Variants in PCYT1B observed in about 807,000 individuals in gnomAD.
PCYT1B encodes the protein choline-phosphate cytidylyltransferase B.
A neutral mutation model predicts 26.4 loss-of-function variants in PCYT1B; 10 were observed. The observed-to-expected ratio is 0.38, with a 90% CI of 0.23 to 0.64. The LOEUF (loss-of-function observed/expected upper bound fraction) is 0.64, where lower values mean the gene tolerates loss of function less well. Among genes scored for constraint, PCYT1B ranks in the 30% least tolerant of loss-of-function variants. The pLI is 0.56. For synonymous variants in PCYT1B, 131 were observed against 108.4 expected (o/e 1.21, Z -1.29); for missense variants, 161 against 292.7 (o/e 0.55, Z 3.28).
chrX:24,670,378 A>G (rs1927232065), intron 1 of PCYT1B, among the ~76,000 whole-genome samples: 1 of 112,617 alleles, frequency 8.9e-6, no homozygotes. Flanking sequence ...TTCAATATTT[A>G]GCAGCAATGC....
chrX:24,633,530 C>T (rs1193915547), intron 1 of PCYT1B, among the ~76,000 whole-genome samples: 2 of 109,748 alleles, frequency 1.8e-5, no homozygotes, highest in African/African-American at 3.3e-5. Flanking sequence ...AAAAATTAGC[C>T]GGGCGTCGTT....
chrX:24,653,913 C>A (rs1266087736), intron 1 of PCYT1B, among the ~76,000 whole-genome samples: 10 of 107,285 alleles, frequency 9.3e-5, no homozygotes. Context: ...CACCACCACA[C>A]CCAGCCAATT....
intron 3 of PCYT1B, among the ~76,000 whole-genome samples, chrX:24,598,405 C>T: frequency 9.1e-6 from 1 of 109,904 alleles, no homozygotes; most frequent in East Asian, 2.8e-4. Flanking sequence ...GTCATGGTAT[C>T]TACTAAAGAT....
intron 1 of PCYT1B, among the ~76,000 whole-genome samples, chrX:24,625,662 T>C (rs1016813020): frequency 1.9e-5 from 2 of 105,490 alleles, no homozygotes; most frequent in Admixed American, 2.1e-4. Context: ...TGACAGGGAA[T>C]TATATCTAAG....
intron 1 of PCYT1B, among the ~76,000 whole-genome samples, chrX:24,633,839 T>C (rs946643870): frequency 9.8e-5 from 11 of 111,876 alleles, no homozygotes; most frequent in African/African-American, 2.9e-4. Flanking sequence ...AACCTCTTGA[T>C]AATGTTATGT....
chrX:24,620,301 C>G (rs1341869726), intron 1 of PCYT1B, among the ~76,000 whole-genome samples: 1 of 112,085 alleles, frequency 8.9e-6, no homozygotes, highest in African/African-American at 3.2e-5. Flanking sequence ...AGCCCCCATT[C>G]TCTGCACTGA....
chrX:24,661,864 G>C (rs964173028), intron 1 of PCYT1B, among the ~76,000 whole-genome samples: 2 of 111,902 alleles, frequency 1.8e-5, no homozygotes, highest in African/African-American at 6.5e-5. Flanking sequence ...ATTTATTTAG[G>C]TATAATAATG....
Position 24,562,197 on chromosome X carries a change from C to G in PCYT1B, c.*96G>C. 8.4e-7 allele frequency: 1 copy of G among 1,195,364 alleles called. No individual in the cohort carries two copies. Among genetic ancestry groups the G allele is most frequent in the African/African-American group, 1.7e-5 (1 of 57,499 alleles). ...GGGTCTCTCTGCTGAGCTGCAGCTC[C>G]TGTGACTATTACCCTTCAAACACCA... On this transcript the variant is annotated 3_prime_UTR_variant, in exon 8 of 8. Coordinates refer to ENST00000379144, the MANE Select transcript of PCYT1B (RefSeq NM_004845.5).
intron 7 of PCYT1B, among the ~76,000 whole-genome samples, chrX:24,563,088 T>C (rs1009051896): frequency 9.0e-6 from 1 of 111,388 alleles, no homozygotes; most frequent in Non-Finnish European, 1.9e-5. Context: ...AAAATTTAAC[T>C]GAGTGTCTCT....
rs1055366422 is a variant in PCYT1B at position 24,562,478 on chromosome X, G to A, written c.925C>T (p.Arg309Trp). Residue 309 changes from arginine (R) to tryptophan (W), a missense_variant, in exon 8 of 8, where the codon CGG (arginine) becomes TGG (tryptophan). Transcript: ENST00000379144. The stretch of plus-strand genomic sequence containing the variant: ...TTCGGGGATAAGGCCTGCAGCATCC[G>A]GCTGCTCCTCTCCTGGAACATCTGC... Reference protein sequence around the residue: ...WKQMFQERSSRMLQALSPKQS... With the variant: ...WKQMFQERSSWMLQALSPKQS... 1.2e-5 allele frequency: 14 copies of A among 1,202,751 alleles called. No homozygotes were observed. Among genetic ancestry groups the A allele is most frequent in the East Asian group, 3.0e-5 (1 of 33,606 alleles).
At position 24,562,210 on chromosome X, in the gene PCYT1B, C is replaced by T; in HGVS notation, c.*83G>A. 1.7e-6 allele frequency: 2 copies of T among 1,185,138 alleles called. No individual in the cohort carries two copies. The highest frequency in any genetic ancestry group is 2.3e-5 in the Admixed American group (1 of 42,555). ...GAGCTGCAGCTCCTGTGACTATTAC[C>T]CTTCAAACACCACCCAGGCAACCCT... On this transcript the variant is annotated 3_prime_UTR_variant, in exon 8 of 8. Coordinates refer to ENST00000379144, the MANE Select transcript of PCYT1B (RefSeq NM_004845.5).
chrX:24,651,781 C>T (rs1888989759), upstream of PCYT1B, among the ~76,000 whole-genome samples: 2 of 108,254 alleles, frequency 1.8e-5, no homozygotes, highest in African/African-American at 6.7e-5. Flanking sequence ...TCCCAAATTG[C>T]TGAGATTACA....
chrX:24,583,835 C>A (rs1924280689), intron 5 of PCYT1B, among the ~76,000 whole-genome samples: 2 of 111,947 alleles, frequency 1.8e-5, no homozygotes, highest in Admixed American at 1.9e-4. Context: ...TATGGACCTA[C>A]AGCATCTAAC....
At chrX:24,571,222 G>A (rs1204095694) in intron 7 of PCYT1B, among the ~76,000 whole-genome samples, 1 of 110,831 alleles carries the variant, frequency 9.0e-6, no homozygotes, top group Non-Finnish European at 1.9e-5. Flanking sequence ...AAATTAGCCG[G>A]GCGTGGTAGC....
intron 3 of PCYT1B, among the ~76,000 whole-genome samples, chrX:24,592,112 T>C (rs751755920): frequency 9.0e-6 from 1 of 111,659 alleles, no homozygotes; most frequent in Admixed American, 9.6e-5. Context: ...GAGATCAGCT[T>C]CTTTAGATTC....
At chrX:24,600,285 G>A (rs1006846326) in intron 3 of PCYT1B, among the ~76,000 whole-genome samples, 18 of 111,236 alleles carry the variant, frequency 1.6e-4, no homozygotes, top group Admixed American at 1.2e-3. Flanking sequence ...GTGGCCACTC[G>A]GTCCTGACAA....
chrX:24,622,415 G>A (rs2148256569), intron 1 of PCYT1B, among the ~76,000 whole-genome samples: 1 of 112,132 alleles, frequency 8.9e-6, no homozygotes, highest in South Asian at 3.7e-4. Flanking sequence ...CTTAGGTTCT[G>A]TCTCTTCCAT....
At chrX:24,575,072 A>C in intron 7 of PCYT1B, 58 bp downstream of exon 7, 1 of 986,784 alleles carries the variant, frequency 1.0e-6, no homozygotes, top group Non-Finnish European at 1.4e-6. Context: ...GGCTCCATAA[A>C]AAGGAGGATA....
intron 1 of PCYT1B, among the ~76,000 whole-genome samples, chrX:24,645,690 C>G (rs1230749807): frequency 8.9e-6 from 1 of 111,953 alleles, no homozygotes; most frequent in Admixed American, 9.5e-5. Flanking sequence ...AACATAGACA[C>G]TGCACTGTGT....
Sources: allele counts gnomAD v4.1 joint callset (sites outside exome capture counted in the v4.1 genomes callset), GRCh38; gene constraint gnomAD v4.1.1; transcripts MANE v1.5; gene names NCBI Gene and HGNC (gene_info 2026-07-23, HGNC 2026-07-21).